SLC4A3: variants seen among roughly 807,000 people sequenced by gnomAD.
SLC4A3 encodes the protein anion exchange protein 3.
Under a neutral mutation model 114.2 loss-of-function variants are expected in SLC4A3, and 47 were observed. The observed-to-expected ratio is 0.41, with a 90% confidence interval of 0.33 to 0.52. The LOEUF (loss-of-function observed/expected upper bound fraction) is 0.52. Ranked by LOEUF, SLC4A3 falls within the 20% of genes least tolerant of loss-of-function variation. The pLI, the probability that SLC4A3 is intolerant of heterozygous loss-of-function variation, is 0.21. For missense variants in SLC4A3, 1,312 were observed against 1,668.3 expected (o/e 0.79, Z 3.72); for synonymous variants, 693 against 710.3 (o/e 0.98, Z 0.39).
intron 12 of SLC4A3, 26 bp downstream of exon 12, chr2:219,634,630 C>A: frequency 6.2e-7 from 1 of 1,609,326 alleles, no homozygotes; most frequent in Non-Finnish European, 8.5e-7. Context: ...GCTCTCAAGG[C>A]CTCTTCTCCT....
In SLC4A3 at chr2:219,637,010, GACACCCT is replaced by G; in HGVS notation, c.2535+138_2535+144del. ...TGTGTTGGGAGTGAGGGGTTCTAGG[GACACCCT>G]AGGCTAGGTCTGAGCTGAAGGGGAG... On this transcript the variant is annotated intron_variant, in intron 16 of 22. Coordinates refer to ENST00000358055, the MANE Select transcript of SLC4A3 (RefSeq NM_005070.4). This position sits in a 1 kb window ranked among gnomAD's most constrained non-coding sequence, Gnocchi z 4.6. The G allele has an allele frequency of 1.2e-6, 1 of 809,074 alleles. No individual in the cohort carries two copies. The highest frequency in any genetic ancestry group is 2.5e-5 in the Admixed American group (1 of 39,256). 50.1% of individuals were successfully genotyped at this position (809,074 alleles called of 1,614,324 possible). A position where few individuals can be genotyped will look rare whatever the true frequency, so the allele number is the denominator to read the frequency against.
In SLC4A3 at chr2:219,629,353, G is replaced by A. The variant is rs547535105; in HGVS notation, c.427G>A (p.Glu143Lys). The A allele has an allele frequency of 7.5e-6, 12 of 1,607,552 alleles. No individual in the cohort carries two copies. The highest frequency in any genetic ancestry group is 9.3e-6 in the Non-Finnish European group (11 of 1,176,622). ...GVDEEEEEEE[E>K]EEGESEAEPV... The stretch of plus-strand genomic sequence containing the variant: ...GGATGAGGAAGAGGAGGAAGAGGAG[G>A]AAGAGGAAGGAGAATCTGAGGCAGA... The change falls in exon 4 of 23, where the codon GAA becomes AAA. Residue 143 changes from glutamate to lysine, a missense_variant. By Grantham distance (56) the Glu-to-Lys change is moderately conservative (BLOSUM62 1). Coordinates refer to ENST00000358055, the MANE Select transcript of SLC4A3 (RefSeq NM_005070.4).
rs621515 is a variant in SLC4A3 at position 219,637,415 on chromosome 2, C to T, written c.2536-166C>T. On this transcript the variant is annotated intron_variant, in intron 16 of 22. Transcript: ENST00000358055. This position sits in a 1 kb window ranked among gnomAD's most constrained non-coding sequence, Gnocchi z 4.6. ...GTTGTGTGTGTTGTATGTGTGTGTTCTGTGTGTTCTGTGTGTTGTGTGTGT... is the reference window on the plus strand; with the variant it reads ...GTTGTGTGTGTTGTATGTGTGTGTTTTGTGTGTTCTGTGTGTTGTGTGTGT... 0.68 allele frequency among the ~76,000 whole-genome samples: 103,116 copies of T among 151,728 alleles called. 36,823 individuals are homozygous for T. Among genetic ancestry groups the T allele is most frequent in the East Asian group, 0.83 (4,272 of 5,154 alleles).
intron 20 of SLC4A3, among the ~76,000 whole-genome samples, chr2:219,640,113 A>C (rs1188281631): frequency 6.6e-6 from 1 of 152,034 alleles, no homozygotes; most frequent in East Asian, 1.9e-4. Flanking sequence ...TATTTTTAGT[A>C]GAGACAGGGG....
intron 9 of SLC4A3, 21 bp downstream of exon 9, chr2:219,633,030 G>C: frequency 6.2e-7 from 1 of 1,613,284 alleles, no homozygotes; most frequent in African/African-American, 1.3e-5. Context: ...GGGTCCCTGG[G>C]AGGGGCCTGT....
rs1402668469 is a variant in SLC4A3, at chr2:219,636,320, T to A, written c.2210T>A (p.Leu737Gln). 9.9e-6 allele frequency: 16 copies of A among 1,613,666 alleles called. No homozygotes were observed. Among genetic ancestry groups the A allele is most frequent in the Non-Finnish European group, 1.0e-5 (12 of 1,179,946 alleles). Residue 737 changes from leucine (L) to glutamine (Q), a missense_variant, in exon 15 of 23, where the codon CTG becomes CAG. Physicochemically the swap from Leu to Gln is moderately radical, Grantham distance 113 (BLOSUM62 -2). Around this residue, in one of 4 missense-constraint regions of SLC4A3, gnomAD observed 771 missense variants for 977.7 expected, o/e 0.79. Transcript: ENST00000358055. This position sits in a 1 kb window ranked among gnomAD's most constrained non-coding sequence, Gnocchi z 5.5. The part of the protein sequence containing the change: ...GGLLGEKTEG[L>Q]MGVSELIVST... ...ATGGCAGGAGAGAAGACCGAGGGGC[T>A]GATGGGCGTGTCCGAGCTGATCGTG...
In SLC4A3 at chr2:219,640,664, G is replaced by A. The variant is rs146709293; in HGVS notation, c.3447+65G>A. On this transcript the variant is annotated intron_variant, in intron 21 of 22. Coordinates refer to ENST00000358055, the MANE Select transcript of SLC4A3 (RefSeq NM_005070.4). ...GGGAAGGGGATCCAGAGGGATCTGGGAGCATTGATGGATGGGATGAATATG... is the reference window on the plus strand; with the variant it reads ...GGGAAGGGGATCCAGAGGGATCTGGAAGCATTGATGGATGGGATGAATATG... The A allele has an allele frequency of 4.0e-3, 6,252 of 1,578,788 alleles. 32 individuals carry two copies. Among genetic ancestry groups the A allele is most frequent in the Non-Finnish European group, 4.4e-3 (5,120 of 1,155,834 alleles).
rs368080833 is a variant in SLC4A3, at chr2:219,634,601, C to G, written c.1743C>G (p.Asp581Glu). ...GCTCCATTGCCACCCTTATGTCTGACAAGGTTGGGCGCGTGCTGGCTCTCA... is the reference window on the plus strand; with the variant it reads ...GCTCCATTGCCACCCTTATGTCTGAGAAGGTTGGGCGCGTGCTGGCTCTCA... The part of the protein sequence containing the change: ...LGRSIATLMS[D>E]KLFHEAAYQA... The change falls in exon 12 of 23, where the codon GAC (aspartate) becomes GAG (glutamate). Residue 581 changes from aspartate to glutamate, a missense_variant. Asp to Glu is a conservative substitution (Grantham distance 45, BLOSUM62 2). Coordinates refer to ENST00000358055, the MANE Select transcript of SLC4A3 (RefSeq NM_005070.4). 2.5e-6 allele frequency: 4 copies of G among 1,613,910 alleles called. No individual in the cohort carries two copies. In the African/African-American group the frequency reaches 5.3e-5, roughly 21 times the overall value.
chr2:219,639,352 G>C lies in SLC4A3; in HGVS notation c.3024-130G>C. The C allele has an allele frequency of 9.1e-7, 1 of 1,096,156 alleles. No homozygotes were observed. The allele number at this position is 1,096,156 out of a possible 1,614,324, so 67.9% of individuals were successfully genotyped here. ...TCAATTTGGGAACTTGAAAGAAGAA[G>C]CTGGCAGTCCTAGGGAGAACTGTTG... On this transcript the variant is annotated intron_variant, in intron 19 of 22. Transcript: ENST00000358055. The surrounding 1 kb of genome is among the most constrained non-coding windows in gnomAD (Gnocchi z 5.9).
chr2:219,636,372 C>A lies in SLC4A3; in HGVS notation c.2262C>A (p.Phe754Leu). The A allele has an allele frequency of 6.2e-7, 1 of 1,613,804 alleles. No homozygotes were observed. Among genetic ancestry groups the A allele is most frequent in the South Asian group, 1.1e-5 (1 of 91,064 alleles). ...IVSTAVLGVL[F>L]SLLGAQPLLV... ...CCACCGCTGTGCTCGGCGTCCTCTT[C>A]TCTCTGCTGGGAGCTCAGCCGCTGC... The change falls in exon 15 of 23, where the codon TTC (phenylalanine) becomes TTA (leucine). Residue 754 changes from phenylalanine (F) to leucine (L), a missense_variant. Physicochemically the swap from Phe to Leu is conservative, Grantham distance 22. Transcript: ENST00000358055. This position sits in a 1 kb window ranked among gnomAD's most constrained non-coding sequence, Gnocchi z 5.5.
In SLC4A3 at chr2:219,631,281, C is replaced by G. The variant is rs1199147149; in HGVS notation, c.812-687C>G. ...GAAGGACCCTGAGCCCAATGGGGCA[C>G]TGAGCCCTGGGCCTGGGGATACCAA... On this transcript the variant is annotated intron_variant, in intron 6 of 22. Coordinates refer to ENST00000358055, the MANE Select transcript of SLC4A3 (RefSeq NM_005070.4). The surrounding 1 kb of genome is among the most constrained non-coding windows in gnomAD (Gnocchi z 6.3). The G allele has an allele frequency of 7.7e-7, 1 of 1,297,642 alleles. No homozygotes were observed. Among genetic ancestry groups the G allele is most frequent in the Admixed American group, 2.3e-5 (1 of 43,196 alleles). The allele number at this position is 1,297,642 out of a possible 1,614,324, so 80.4% of individuals were successfully genotyped here.
chr2:219,631,754 G>A lies in SLC4A3; in HGVS notation c.812-214G>A, dbSNP rs967404852. Among the ~76,000 whole-genome samples, 1 of 152,132 alleles carries A rather than the reference G, an allele frequency of 6.6e-6. No individual in the cohort carries two copies. Among genetic ancestry groups the A allele is most frequent in the African/African-American group, 2.4e-5 (1 of 41,436 alleles). On this transcript the variant is annotated intron_variant, in intron 6 of 22. Transcript: ENST00000358055. This position sits in a 1 kb window ranked among gnomAD's most constrained non-coding sequence, Gnocchi z 6.3. ...ACCTTTGGATTGCATCTTGGCCGGT[G>A]GTCCCAGGTGACCATGGGGAGGTCC... is the stretch of plus-strand genomic sequence containing the variant.
Position 219,641,151 on chromosome 2 carries a change from T to G in SLC4A3, c.3621+189T>G, listed in dbSNP as rs191200297. 1.4e-4 allele frequency among the ~76,000 whole-genome samples: 21 copies of G among 152,266 alleles called. No individual in the cohort carries two copies. In the South Asian group the frequency reaches 4.3e-3, roughly 32 times the overall value. ...GATCATAGACCCTACCTTATAGGAC[T>G]GTTGGGAGGGTCAAGTGCTAGTCCA... is the stretch of plus-strand genomic sequence containing the variant. On this transcript the variant is annotated intron_variant, in intron 22 of 22. Coordinates refer to ENST00000358055, the MANE Select transcript of SLC4A3 (RefSeq NM_005070.4). The surrounding 1 kb of genome is among the most constrained non-coding windows in gnomAD (Gnocchi z 4.0).
At position 219,631,362 on chromosome 2, in the gene SLC4A3, G is replaced by T; in HGVS notation, c.812-606G>T. On this transcript the variant is annotated intron_variant, in intron 6 of 22. Coordinates refer to ENST00000358055, the MANE Select transcript of SLC4A3 (RefSeq NM_005070.4). The surrounding 1 kb of genome is among the most constrained non-coding windows in gnomAD (Gnocchi z 6.3). The stretch of plus-strand genomic sequence containing the variant: ...CAGTCCTCGAGACTCACTGGCCCCG[G>T]AAGACTTAGAGATGTTTGTGCTGGA... The T allele has an allele frequency of 7.7e-7, 1 of 1,304,324 alleles. No individual in the cohort carries two copies. Among genetic ancestry groups the T allele is most frequent in the Middle Eastern group, 2.1e-4 (1 of 4,696 alleles). 80.8% of individuals were successfully genotyped at this position (1,304,324 alleles called of 1,614,324 possible).
rs1325773807 is a variant in SLC4A3, at chr2:219,637,688, G to A, written c.2643G>A (p.Glu881=). 1 of 1,613,092 alleles carries A rather than the reference G, an allele frequency of 6.2e-7. No individual in the cohort carries two copies. Among genetic ancestry groups the A allele is most frequent in the Admixed American group, 1.7e-5 (1 of 60,006 alleles). ...ATGGCAGTGCCCTGCCCCCCACCGA[G>A]GGCCCCCCCAGCCCGAGGAACCAGC... ...EPNGSALPPT[E]GPPSPRNQPN... Residue 881 remains glutamate (E), a synonymous_variant, in exon 17 of 23, where the codon GAG becomes GAA. Transcript: ENST00000358055. The surrounding 1 kb of genome is among the most constrained non-coding windows in gnomAD (Gnocchi z 4.6).
rs1281909191 is a variant in SLC4A3, at chr2:219,638,903, G to A, written c.3023+34G>A. 6.8e-6 allele frequency: 11 copies of A among 1,606,078 alleles called. No individual in the cohort carries two copies. The highest frequency in any genetic ancestry group is 2.2e-5 in the East Asian group (1 of 44,820). ...GATGGGAGGAGGAGGTGGGAGGGACGAGGCCAAGCTCCTTGGCTCCTTGGC... is the reference window on the plus strand; with the variant it reads ...GATGGGAGGAGGAGGTGGGAGGGACAAGGCCAAGCTCCTTGGCTCCTTGGC... On this transcript the variant is annotated intron_variant, in intron 19 of 22. Transcript: ENST00000358055. The surrounding 1 kb of genome is among the most constrained non-coding windows in gnomAD (Gnocchi z 7.5).
rs1385815498 is a variant in SLC4A3, at chr2:219,631,922, G to A, written c.812-46G>A. 4 of 1,536,728 alleles carry A rather than the reference G, an allele frequency of 2.6e-6. No individual in the cohort carries two copies. The highest frequency in any genetic ancestry group is 3.5e-6 in the Non-Finnish European group (4 of 1,143,500). On this transcript the variant is annotated intron_variant, in intron 6 of 22. Transcript: ENST00000358055. This position sits in a 1 kb window ranked among gnomAD's most constrained non-coding sequence, Gnocchi z 6.3. ...GAAGGAGCTGGGCCGTGACCCCGAG[G>A]GCCCCAGCTGGACCTGTGGGACCCC...
chr2:219,637,022 T>C lies in SLC4A3; in HGVS notation c.2535+148T>C. On this transcript the variant is annotated intron_variant, in intron 16 of 22. Transcript: ENST00000358055. This position sits in a 1 kb window ranked among gnomAD's most constrained non-coding sequence, Gnocchi z 4.6. ...GAGGGGTTCTAGGGACACCCTAGGC[T>C]AGGTCTGAGCTGAAGGGGAGGGAGT... The C allele has an allele frequency of 1.3e-6, 1 of 741,518 alleles. No individual in the cohort carries two copies. The highest frequency in any genetic ancestry group is 1.8e-5 in the South Asian group (1 of 55,320). The allele number at this position is 741,518 out of a possible 1,614,324, so 45.9% of individuals were successfully genotyped here.
In SLC4A3 at chr2:219,632,274, C is replaced by G. The variant is rs1397291583; in HGVS notation, c.973C>G (p.Leu325Val). The change falls in exon 8 of 23, where the codon CTG becomes GTG. Residue 325 changes from leucine to valine, a missense_variant. Transcript: ENST00000358055. ...DRRPHEVFVE[L>V]NELMLDRSQE... ...GCACGCCCCCCAGGTGTTCGTGGAG[C>G]TGAACGAGCTGATGCTGGACCGCAG... The G allele has an allele frequency of 6.2e-7, 1 of 1,613,892 alleles. No individual in the cohort carries two copies. The highest frequency in any genetic ancestry group is 8.5e-7 in the Non-Finnish European group (1 of 1,180,010).
Sources: gnomAD v4.1 joint callset for allele counts (sites outside exome capture counted in the v4.1 genomes callset) on GRCh38, gnomAD v4.1.1 for gene constraint, gnomAD v4.1.1 regional missense constraint, Gnocchi (gnomAD v3.1) non-coding constraint, MANE v1.5 for transcripts, NCBI Gene and HGNC (gene_info 2026-07-23, HGNC 2026-07-21) for gene names.